Variants in TP63 observed in about 807,000 individuals in gnomAD.
The protein encoded by TP63 is tumor protein p63, also known as tumor protein 63.
Under a neutral mutation model 82.8 loss-of-function variants are expected in TP63, and 17 were observed. The observed-to-expected ratio is 0.21, with a 90% CI of 0.14 to 0.31. The LOEUF (loss-of-function observed/expected upper bound fraction) is 0.31, where lower values mean the gene tolerates loss of function less well. Among genes scored for constraint, TP63 ranks in the 10% least tolerant of loss-of-function variants. The pLI is 1.00. For missense variants in TP63, 648 were observed against 895.3 expected, an observed-to-expected ratio of 0.72 and a Z score of 3.52; for synonymous variants, 330 against 321.7, an observed-to-expected ratio of 1.03 and a Z score of -0.28.
chr3:189,844,186 C>G (rs760746945), intron 4 of TP63: 1 of 253,986 alleles, frequency 3.9e-6, no homozygotes, highest in Non-Finnish European at 7.8e-6. Flanking sequence ...TTTTTTTTTT[C>G]TTTGAGACAG....
chr3:189,823,455 C>T (rs1045476650), intron 4 of TP63, among the ~76,000 whole-genome samples: 6 of 152,164 alleles, frequency 3.9e-5, no homozygotes, highest in African/African-American at 1.4e-4. Context: ...AATGCCACGG[C>T]ATGCAGACGC....
intron 3 of TP63, among the ~76,000 whole-genome samples, chr3:189,751,578 G>A (rs1178093669): frequency 2.0e-5 from 3 of 152,174 alleles, no homozygotes; most frequent in African/African-American, 4.8e-5. Context: ...CAGTGATGGT[G>A]AGCATTTTTT....
At chr3:189,769,903 G>A (rs1373291018) in intron 3 of TP63, among the ~76,000 whole-genome samples, 1 of 152,154 alleles carries the variant, frequency 6.6e-6, no homozygotes, top group Non-Finnish European at 1.5e-5. Flanking sequence ...TTTCTAAAAA[G>A]ATGAACATTT....
At chr3:189,805,003 C>T (rs1348254093) in intron 3 of TP63, among the ~76,000 whole-genome samples, 2 of 152,158 alleles carry the variant, frequency 1.3e-5, no homozygotes, top group South Asian at 2.1e-4. Context: ...GTTTTTCTTA[C>T]GTACAAAATC....
chr3:189,628,803 G>T (rs561323206), upstream of TP63, among the ~76,000 whole-genome samples: 1 of 152,230 alleles, frequency 6.6e-6, no homozygotes, highest in Non-Finnish European at 1.5e-5. Flanking sequence ...TAATATGATT[G>T]CCACTTATTT....
At chr3:189,704,029 C>T (rs1718016776) in intron 1 of TP63, among the ~76,000 whole-genome samples, 1 of 152,192 alleles carries the variant, frequency 6.6e-6, no homozygotes, top group African/African-American at 2.4e-5. Flanking sequence ...GTTCCCTGTC[C>T]CAGAGAACAT....
chr3:189,720,250 G>C (rs1434811417), intron 1 of TP63, among the ~76,000 whole-genome samples: 2 of 152,158 alleles, frequency 1.3e-5, no homozygotes, highest in African/African-American at 4.8e-5. Context: ...CCAGGCCAAG[G>C]AGGAAGAATC....
the TP63 span, among the ~76,000 whole-genome samples, chr3:189,622,991 T>G: frequency 6.6e-6 from 1 of 152,240 alleles, no homozygotes; most frequent in African/African-American, 2.4e-5. Context: ...CTAAATTTCT[T>G]TTTAACTTTC....
At chr3:189,762,932 A>G (rs535989701) in intron 3 of TP63, among the ~76,000 whole-genome samples, 10 of 152,322 alleles carry the variant, frequency 6.6e-5, no homozygotes, top group African/African-American at 2.4e-4. Context: ...AAAAGACAAT[A>G]AATGGGCATC....
intron 1 of TP63, among the ~76,000 whole-genome samples, chr3:189,639,037 A>C (rs1315417650): frequency 6.6e-6 from 1 of 152,188 alleles, no homozygotes; most frequent in Non-Finnish European, 1.5e-5. Flanking sequence ...TGTAAGATTA[A>C]AGTGACAATT....
intron 3 of TP63, among the ~76,000 whole-genome samples, chr3:189,783,084 G>C (rs1245871333): frequency 8.6e-5 from 13 of 151,834 alleles, no homozygotes; most frequent in Non-Finnish European, 4.4e-5. Flanking sequence ...GATTATAGCG[G>C]TAAAGAAAAA....
chr3:189,696,804 A>T (rs1330609549), intron 1 of TP63, among the ~76,000 whole-genome samples: 1 of 152,136 alleles, frequency 6.6e-6, no homozygotes. Flanking sequence ...TATGTTGAAA[A>T]TGTCTTCATA....
intron 3 of TP63, among the ~76,000 whole-genome samples, chr3:189,752,148 A>G (rs908841508): frequency 5.9e-5 from 9 of 152,014 alleles, no homozygotes; most frequent in Non-Finnish European, 2.9e-5. Flanking sequence ...ACATCAAATT[A>G]TTGGGAATAT....
intron 4 of TP63, among the ~76,000 whole-genome samples, chr3:189,828,615 A>C (rs1173093290): frequency 6.6e-6 from 1 of 152,200 alleles, no homozygotes; most frequent in Non-Finnish European, 1.5e-5. Context: ...TATATTCTCT[A>C]TGTCTCTGCC....
At chr3:189,766,786 C>T (rs1722989391) in intron 3 of TP63, among the ~76,000 whole-genome samples, 1 of 152,200 alleles carries the variant, frequency 6.6e-6, no homozygotes, top group Non-Finnish European at 1.5e-5. Flanking sequence ...CTACCTACCA[C>T]TTTGAAACAG....
At chr3:189,795,179 G>T (rs1465925643) in intron 3 of TP63, among the ~76,000 whole-genome samples, 2 of 152,018 alleles carry the variant, frequency 1.3e-5, no homozygotes, top group Non-Finnish European at 2.9e-5. Flanking sequence ...TATAAATTTG[G>T]CTGTAAGCCA....
At chr3:189,789,740 G>C (rs988648372) in intron 3 of TP63, 3 of 1,545,540 alleles carry the variant, frequency 1.9e-6, no homozygotes, top group African/African-American at 1.4e-5. Context: ...GGGGTGGGGG[G>C]GTTGGCAAAA....
intron 4 of TP63, among the ~76,000 whole-genome samples, chr3:189,815,694 A>G (rs144190058): frequency 4.1e-4 from 63 of 152,286 alleles, no homozygotes; most frequent in South Asian, 3.7e-3. Context: ...CAAGGTGTTA[A>G]TGGTAACAAG....
chr3:189,830,124 G>C (rs931048204), intron 4 of TP63: 10 of 177,422 alleles, frequency 5.6e-5, no homozygotes, highest in Non-Finnish European at 9.4e-5. Flanking sequence ...GAGAGCATTG[G>C]ACTGTTGGTT....
Sources: gnomAD v4.1 joint callset for allele counts (sites outside exome capture counted in the v4.1 genomes callset) on GRCh38, gnomAD v4.1.1 for gene constraint, MANE v1.5 for transcripts, NCBI Gene and HGNC (gene_info 2026-07-23, HGNC 2026-07-21) for gene names.